The following COPS3 variants were observed in gnomAD, a reference collection of about 807,000 sequenced individuals.
The protein encoded by COPS3 is COP9 signalosome complex subunit 3.
COPS3 carries 10 observed loss-of-function variants against 58.2 expected under a neutral mutation model. That is an observed-to-expected ratio of 0.17 (90% CI 0.11 to 0.29). COPS3 has a LOEUF of 0.29. Ranked by LOEUF, COPS3 falls within the 10% of genes least tolerant of loss-of-function variation. The pLI is 1.00. For missense variants in COPS3, 333 were observed against 510.1 expected, an observed-to-expected ratio of 0.65 and a Z score of 3.34; for synonymous variants, 187 against 181.7, an observed-to-expected ratio of 1.03 and a Z score of -0.24.
chr17:17,261,665 A>G (rs748805114), intron 7 of COPS3: 9 of 435,918 alleles, frequency 2.1e-5, no homozygotes, highest in Middle Eastern at 3.4e-4. Context: ...TTCAACACCA[A>G]CCTGGCCAAC....
intron 8 of COPS3, among the ~76,000 whole-genome samples, chr17:17,259,623 G>A (rs1271986190): frequency 1.3e-5 from 2 of 152,314 alleles, no homozygotes; most frequent in South Asian, 2.1e-4. Flanking sequence ...GGCTGGGTGC[G>A]GTGGTTCATG....
chr17:17,270,000 CA>C (rs2048310393), intron 4 of COPS3, among the ~76,000 whole-genome samples: 1 of 151,990 alleles, frequency 6.6e-6, no homozygotes, highest in Non-Finnish European at 1.5e-5. Context: ...TACTAAAATA[CA>C]AAAAATTAGC....
intron 4 of COPS3, among the ~76,000 whole-genome samples, chr17:17,269,850 T>C (rs948976841): frequency 6.6e-6 from 1 of 152,168 alleles, no homozygotes; most frequent in African/African-American, 2.4e-5. Flanking sequence ...AATTTGTTGA[T>C]GCATTATATT....
intron 2 of COPS3, among the ~76,000 whole-genome samples, 197 bp from the exon 3 acceptor site, chr17:17,271,205 G>A (rs954985302): frequency 1.3e-5 from 2 of 152,120 alleles, no homozygotes; most frequent in Admixed American, 1.3e-4. Context: ...TGAGGCAGGA[G>A]GACTGCTTAA....
Position 17,264,977 on chromosome 17 carries a change from C to G in COPS3, c.446G>C (p.Cys149Ser). The G allele has an allele frequency of 6.2e-7, 1 of 1,611,074 alleles. No individual in the cohort carries two copies. Among genetic ancestry groups the G allele is most frequent in the Non-Finnish European group, 8.5e-7 (1 of 1,179,472 alleles). Residue 149 changes from cysteine to serine, a missense_variant, in exon 6 of 12, where the codon TGT becomes TCT. Coordinates refer to ENST00000268717, the MANE Select transcript of COPS3 (RefSeq NM_003653.4). ...AGGCTTAAAGCATTTTGCTAGCAAA[C>G]AAAGCTGTGAACAAATTGATATTAA... is the stretch of plus-strand genomic sequence containing the variant. Reference protein sequence around the residue: ...TSIHADLCQLCLLAKCFKPAL... With the variant: ...TSIHADLCQLSLLAKCFKPAL...
chr17:17,275,231 C>T lies in COPS3; in HGVS notation c.185+804G>A, dbSNP rs563772387. The stretch of plus-strand genomic sequence containing the variant: ...TCAGCCACCTGAGTAGCTGGGACTA[C>T]AGGCATGCGCCAACACACCCGGCTA... On this transcript the variant is annotated intron_variant, in intron 2 of 11. Transcript: ENST00000268717. 2.6e-5 allele frequency among the ~76,000 whole-genome samples: 4 copies of T among 151,530 alleles called. No individual in the cohort carries two copies. The South Asian group carries it at 8.3e-4, about 32-fold the overall frequency.
In COPS3 at chr17:17,276,298, G is replaced by C; in HGVS notation, c.56-134C>G. On this transcript the variant is annotated intron_variant, in intron 1 of 11. Coordinates refer to ENST00000268717, the MANE Select transcript of COPS3 (RefSeq NM_003653.4). ...CTTAATCTCCTTCACTTCGGATGAG[G>C]ATCCAGAAGGACCAGAGGAGTGAAA... 4 of 1,152,864 alleles carry C rather than the reference G, an allele frequency of 3.5e-6. No homozygotes were observed. In the South Asian group the frequency reaches 6.0e-5, roughly 17 times the overall value. 71.4% of individuals were successfully genotyped at this position (1,152,864 alleles called of 1,614,324 possible). A position where few individuals can be genotyped will look rare whatever the true frequency, so the allele number is the denominator to read the frequency against.
chr17:17,247,690 G>A lies in COPS3; in HGVS notation c.1138-130C>T, dbSNP rs550512308. 1.9e-4 allele frequency: 152 copies of A among 799,888 alleles called. 1 individual carries two copies. Among genetic ancestry groups the A allele is most frequent in the Non-Finnish European group, 2.9e-4 (145 of 501,330 alleles). The allele number at this position is 799,888 out of a possible 1,614,324, so 49.5% of individuals were successfully genotyped here. A position where few individuals can be genotyped will look rare whatever the true frequency, so the allele number is the denominator to read the frequency against. ...GATGTGAAACCCCTGGGGCCACATG[G>A]GTTTTGGAGCCAGAGTATTTTGGAC... On this transcript the variant is annotated intron_variant, in intron 10 of 11. Coordinates refer to ENST00000268717, the MANE Select transcript of COPS3 (RefSeq NM_003653.4).
chr17:17,252,192 T>G (rs2047861705), intron 9 of COPS3, among the ~76,000 whole-genome samples: 1 of 152,164 alleles, frequency 6.6e-6, no homozygotes, highest in Non-Finnish European at 1.5e-5. Flanking sequence ...GGAATCTTTG[T>G]GAAAATGTGT....
At chr17:17,250,248 C>T (rs570812736) in intron 9 of COPS3, among the ~76,000 whole-genome samples, 1 of 143,954 alleles carries the variant, frequency 6.9e-6, no homozygotes, top group East Asian at 2.0e-4. Context: ...ATATAACTTA[C>T]ATCGCCTTTT....
chr17:17,247,189 T>C (rs1241084152), intron 11 of COPS3, 38 bp from the exon 12 acceptor site: 1 of 1,597,662 alleles, frequency 6.3e-7, no homozygotes, highest in Non-Finnish European at 8.6e-7. Flanking sequence ...TTATGTTTGC[T>C]TTTATCAAGG....
At chr17:17,279,664 G>A (rs527391699) in intron 1 of COPS3, among the ~76,000 whole-genome samples, 3 of 152,320 alleles carry the variant, frequency 2.0e-5, no homozygotes, top group African/African-American at 7.2e-5. Context: ...CCAAGGTCAA[G>A]CAGCTCCTAG....
intron 7 of COPS3, 60 bp downstream of exon 7, chr17:17,261,906 C>T: frequency 6.9e-7 from 1 of 1,438,988 alleles, no homozygotes. Context: ...TGTATCATTG[C>T]AATTTCTTTA....
intron 1 of COPS3, among the ~76,000 whole-genome samples, 198 bp from the exon 2 acceptor site, chr17:17,276,362 C>T (rs1244659804): frequency 6.6e-6 from 1 of 152,184 alleles, no homozygotes; most frequent in African/African-American, 2.4e-5. Context: ...AGAGATTACA[C>T]TGGACCTCCC....
chr17:17,263,149 G>A (rs62066064), intron 6 of COPS3, among the ~76,000 whole-genome samples: 61,984 of 151,402 alleles, frequency 0.41, 15,260 homozygotes, highest in East Asian at 0.63. Flanking sequence ...TTAGCCAGGT[G>A]TGGTGGCAGG....
At chr17:17,261,206 A>G (rs1222684799) in intron 7 of COPS3, among the ~76,000 whole-genome samples, 1 of 152,204 alleles carries the variant, frequency 6.6e-6, no homozygotes, top group Admixed American at 6.5e-5. Context: ...CAGATGCAAC[A>G]GGACAATCTG....
intron 1 of COPS3, 78 bp downstream of exon 1, chr17:17,281,054 C>G (rs1300070433): frequency 1.0e-5 from 15 of 1,485,568 alleles, no homozygotes; most frequent in Non-Finnish European, 1.4e-5. Flanking sequence ...GCTGTTCCAG[C>G]CGTCCGTGCT....
intron 5 of COPS3, among the ~76,000 whole-genome samples, chr17:17,265,525 AG>A (rs1384095792): frequency 1.3e-5 from 2 of 151,660 alleles, no homozygotes; most frequent in East Asian, 3.9e-4. Flanking sequence ...TAGCCTCCCG[AG>A]TAGCTGGGAT....
chr17:17,250,203 G>C (rs2047811118), intron 9 of COPS3, among the ~76,000 whole-genome samples: 1 of 151,038 alleles, frequency 6.6e-6, no homozygotes, highest in African/African-American at 2.4e-5. Context: ...TGTATTTGAG[G>C]TGCCCTTGCA....
Sources: gnomAD v4.1 joint callset for allele counts (sites outside exome capture counted in the v4.1 genomes callset) on GRCh38, gnomAD v4.1.1 for gene constraint, MANE v1.5 for transcripts, NCBI Gene and HGNC (gene_info 2026-07-23, HGNC 2026-07-21) for gene names.